The following STAG1 variants were observed in gnomAD, a reference collection of about 807,000 sequenced individuals.
STAG1 encodes cohesin subunit SA-1.
STAG1 carries 26 observed loss-of-function variants against 170.9 expected under a neutral mutation model. That is an observed-to-expected ratio of 0.15 (90% CI 0.11 to 0.21). The LOEUF is 0.21. Among genes scored for constraint, STAG1 ranks in the 10% least tolerant of loss-of-function variants. The pLI is 1.00. For missense variants in STAG1, 964 were observed against 1,509.5 expected (o/e 0.64, Z 5.99); for synonymous variants, 514 against 497.7 (o/e 1.03, Z -0.44).
chr3:136,398,546 T>C (rs536212666), intron 22 of STAG1, among the ~76,000 whole-genome samples: 1 of 152,180 alleles, frequency 6.6e-6, no homozygotes, highest in East Asian at 1.9e-4. Flanking sequence ...TATGTGTCTT[T>C]TGCTTGAAGA....
chr3:136,737,077 T>C, intron 1 of STAG1: 1 of 1,107,418 alleles, frequency 9.0e-7, no homozygotes, highest in South Asian at 1.2e-5. Context: ...GGGGTGAAAC[T>C]GAAGTAAGAG....
intron 1 of STAG1, among the ~76,000 whole-genome samples, chr3:136,640,059 A>G (rs1381652784): frequency 2.0e-5 from 3 of 152,214 alleles, no homozygotes; most frequent in East Asian, 3.8e-4. Flanking sequence ...TGAAGAAAGA[A>G]TATGTACCTA....
At chr3:136,737,100 G>T in intron 1 of STAG1, 1 of 914,904 alleles carries the variant, frequency 1.1e-6, no homozygotes. Context: ...ACCAGGACAG[G>T]TCAGTCTTTC....
chr3:136,725,372 T>C (rs1041703175), intron 1 of STAG1, among the ~76,000 whole-genome samples: 9 of 152,308 alleles, frequency 5.9e-5, no homozygotes, highest in Admixed American at 3.9e-4. Flanking sequence ...TGATCATCAG[T>C]TGAGCTATTA....
At chr3:136,370,148 T>G (rs1458346731) in intron 23 of STAG1, among the ~76,000 whole-genome samples, 1 of 152,040 alleles carries the variant, frequency 6.6e-6, no homozygotes, top group Non-Finnish European at 1.5e-5. Flanking sequence ...CTCCTACTTA[T>G]GAAAAAAATT....
At chr3:136,528,422 A>C (rs1232042257) in intron 6 of STAG1, among the ~76,000 whole-genome samples, 1 of 152,042 alleles carries the variant, frequency 6.6e-6, no homozygotes, top group African/African-American at 2.4e-5. Context: ...AGGAAACAGG[A>C]AACATGAAAA....
chr3:136,363,179 A>G (rs890704606), intron 26 of STAG1, among the ~76,000 whole-genome samples, 187 bp downstream of exon 26: 2 of 152,092 alleles, frequency 1.3e-5, no homozygotes, highest in East Asian at 3.9e-4. Flanking sequence ...GAACTCTAGG[A>G]TTTTCTTCCA....
At chr3:136,711,049 AC>A (rs1407008924) in intron 1 of STAG1, among the ~76,000 whole-genome samples, 5 of 151,242 alleles carry the variant, frequency 3.3e-5, no homozygotes, top group African/African-American at 1.2e-4. Context: ...AATCCCACTT[AC>A]AAAAAGAAAA....
chr3:136,395,051 A>C (rs1303491717), intron 22 of STAG1, among the ~76,000 whole-genome samples: 1 of 151,944 alleles, frequency 6.6e-6, no homozygotes, highest in Non-Finnish European at 1.5e-5. Flanking sequence ...GGTTGAGGCC[A>C]CAGTGAGCCG....
intron 1 of STAG1, among the ~76,000 whole-genome samples, chr3:136,718,507 T>C (rs1168357714): frequency 6.6e-6 from 1 of 152,256 alleles, no homozygotes; most frequent in Non-Finnish European, 1.5e-5. Flanking sequence ...GACATACTTG[T>C]ATTTTATTAT....
chr3:136,730,628 C>G (rs1220205881), intron 1 of STAG1, among the ~76,000 whole-genome samples: 1 of 152,196 alleles, frequency 6.6e-6, no homozygotes, highest in Non-Finnish European at 1.5e-5. Context: ...CACTGTGCAT[C>G]AGAAACTCAG....
intron 1 of STAG1, among the ~76,000 whole-genome samples, chr3:136,636,786 G>A (rs1192885706): frequency 6.6e-6 from 1 of 152,196 alleles, no homozygotes; most frequent in African/African-American, 2.4e-5. Context: ...TTTTTAACAA[G>A]TCAGATAATT....
intron 7 of STAG1, among the ~76,000 whole-genome samples, chr3:136,516,763 C>G (rs142601645): frequency 0.012 from 1,840 of 152,276 alleles, 12 homozygotes; most frequent in Non-Finnish European, 0.017. Context: ...TTACTAAATG[C>G]CAAGCATTGT....
intron 16 of STAG1, among the ~76,000 whole-genome samples, chr3:136,432,488 A>G (rs1172471924): frequency 8.2e-6 from 1 of 122,486 alleles, no homozygotes; most frequent in Non-Finnish European, 1.6e-5. Context: ...GTAACTAAAG[A>G]TTTTAATTTT....
chr3:136,668,076 A>T (rs1298872529), intron 1 of STAG1, among the ~76,000 whole-genome samples: 1 of 151,802 alleles, frequency 6.6e-6, no homozygotes, highest in African/African-American at 2.4e-5. Flanking sequence ...TTCTAAAATT[A>T]CAAAAATTAG....
Position 136,551,004 on chromosome 3 carries a change from C to T in STAG1, c.395-8809G>A, listed in dbSNP as rs145488926. On this transcript the variant is annotated intron_variant, in intron 5 of 33. Coordinates refer to ENST00000383202, the MANE Select transcript of STAG1 (RefSeq NM_005862.3). ...ATTATTAATCATGAACATCTAGATG[C>T]AAGTGTTTGTCAGTTTTCTCCTTTG... Among the ~76,000 whole-genome samples the T allele has an allele frequency of 4.7e-3, 721 of 152,142 alleles. 2 individuals are homozygous for T. Among genetic ancestry groups the T allele is most frequent in the Non-Finnish European group, 7.8e-3 (530 of 68,012 alleles).
chr3:136,620,390 A>T (rs1049412685), intron 3 of STAG1, among the ~76,000 whole-genome samples: 1 of 152,202 alleles, frequency 6.6e-6, no homozygotes, highest in East Asian at 1.9e-4. Context: ...TCATTCTGAC[A>T]ATTATAACTC....
chr3:136,729,570 CTTTTTTTTTTT>C (rs34078029), intron 1 of STAG1, among the ~76,000 whole-genome samples: 4 of 94,670 alleles, frequency 4.2e-5, no homozygotes, highest in Non-Finnish European at 7.6e-5. Flanking sequence ...TGTAGTTTTC[CTTTTTTTTTTT>C]TTTTTTTTTT....
At chr3:136,453,032 CCCCTGCCTTGG>C (rs1559810152) in intron 13 of STAG1, among the ~76,000 whole-genome samples, 1 of 152,108 alleles carries the variant, frequency 6.6e-6, no homozygotes, top group East Asian at 1.9e-4. Flanking sequence ...TCAAGTGATA[CCCCTGCCTTGG>C]CCCTAAGTTC....
Sources: gnomAD v4.1 joint callset for allele counts (sites outside exome capture counted in the v4.1 genomes callset) on GRCh38, gnomAD v4.1.1 for gene constraint, MANE v1.5 for transcripts, NCBI Gene and HGNC (gene_info 2026-07-23, HGNC 2026-07-21) for gene names.